THSD7B: variants seen among roughly 807,000 people sequenced by gnomAD.
THSD7B encodes thrombospondin type 1 domain containing 7B.
Under a neutral mutation model 213.6 loss-of-function variants are expected in THSD7B, and 138 were observed. The observed-to-expected ratio is 0.65, with a 90% confidence interval of 0.56 to 0.74. THSD7B has a LOEUF of 0.74. THSD7B is among the 30% of genes least tolerant of loss of function. THSD7B has a pLI of 0.00. For missense variants in THSD7B, 1,931 were observed against 1,991.5 expected, an observed-to-expected ratio of 0.97 and a Z score of 0.58; for synonymous variants, 742 against 687.0, an observed-to-expected ratio of 1.08 and a Z score of -1.25.
intron 4 of THSD7B, 146 bp downstream of exon 4, chr2:137,095,267 G>C: frequency 8.6e-7 from 1 of 1,164,888 alleles, no homozygotes; most frequent in Non-Finnish European, 1.2e-6. Context: ...ATAGGAGAGC[G>C]GGTTAAGATC....
At chr2:137,289,614 G>A (rs140876080) in intron 12 of THSD7B, among the ~76,000 whole-genome samples, 2 of 152,192 alleles carry the variant, frequency 1.3e-5, no homozygotes, top group African/African-American at 4.8e-5. Flanking sequence ...ATAGACTCTA[G>A]TCTCAGCAAG....
chr2:137,443,351 C>T (rs1010011622), intron 14 of THSD7B, among the ~76,000 whole-genome samples: 1 of 152,024 alleles, frequency 6.6e-6, no homozygotes, highest in Admixed American at 6.6e-5. Context: ...TTAGCCAAAT[C>T]CTGTGTGTAC....
At chr2:137,293,581 A>G (rs1446570327) in intron 12 of THSD7B, among the ~76,000 whole-genome samples, 1 of 151,486 alleles carries the variant, frequency 6.6e-6, no homozygotes, top group African/African-American at 2.4e-5. Flanking sequence ...CTTCATTGCA[A>G]TTTTAAAACT....
At chr2:137,006,046 T>C (rs1322936416) in intron 2 of THSD7B, among the ~76,000 whole-genome samples, 1 of 152,038 alleles carries the variant, frequency 6.6e-6, no homozygotes, top group Non-Finnish European at 1.5e-5. Flanking sequence ...ACTAAAGCAA[T>C]AAGAACTACC....
At chr2:137,338,917 C>A (rs2104904374) in intron 12 of THSD7B, among the ~76,000 whole-genome samples, 1 of 152,062 alleles carries the variant, frequency 6.6e-6, no homozygotes, top group South Asian at 2.1e-4. Flanking sequence ...ATGAAGGTTC[C>A]TTGGCATCTG....
intron 5 of THSD7B, 141 bp downstream of exon 5, chr2:137,115,434 C>A (rs964293235): frequency 2.2e-5 from 20 of 913,126 alleles, no homozygotes; most frequent in Admixed American, 3.6e-5. Flanking sequence ...TTGTATGCCG[C>A]CCCTAAGTTC....
intron 2 of THSD7B, among the ~76,000 whole-genome samples, chr2:137,036,001 G>A (rs1028672732): frequency 6.6e-6 from 1 of 152,120 alleles, no homozygotes; most frequent in Non-Finnish European, 1.5e-5. Flanking sequence ...CAGCAGTACT[G>A]TAAAGTACAT....
chr2:137,114,810 G>A (rs145168101), intron 4 of THSD7B, among the ~76,000 whole-genome samples: 55 of 152,116 alleles, frequency 3.6e-4, no homozygotes, highest in Non-Finnish European at 4.7e-4. Context: ...AGGCTCATTC[G>A]GTTTCCAACT....
At chr2:137,190,016 C>T (rs1371518485) in intron 7 of THSD7B, among the ~76,000 whole-genome samples, 1 of 152,090 alleles carries the variant, frequency 6.6e-6, no homozygotes, top group Admixed American at 6.5e-5. Context: ...TGTTCAGAGA[C>T]TTACGTGAGG....
chr2:136,926,918 A>G (rs1354142257), intron 2 of THSD7B, among the ~76,000 whole-genome samples: 2 of 151,996 alleles, frequency 1.3e-5, no homozygotes, highest in Admixed American at 6.6e-5. Flanking sequence ...TTTCTATTCT[A>G]TTGTTCTTAA....
Position 137,618,487 on chromosome 2 carries a change from A to G in THSD7B, c.3661A>G (p.Ser1221Gly), listed in dbSNP as rs771802990. The G allele has an allele frequency of 2.5e-6, 4 of 1,613,844 alleles. No individual in the cohort carries two copies. Among genetic ancestry groups the G allele is most frequent in the Non-Finnish European group, 3.4e-6 (4 of 1,179,852 alleles). ...TGTGTGCAGTGATGGCAAGCCAGTCAGCATGGACCAATGTGAGCAGGTACT... is the reference window on the plus strand; with the variant it reads ...TGTGTGCAGTGATGGCAAGCCAGTCGGCATGGACCAATGTGAGCAGGTACT... The part of the protein sequence containing the change: ...SCVCSDGKPV[S>G]MDQCEQHNLE... The change falls in exon 19 of 28, where the codon AGC (serine) becomes GGC (glycine). Residue 1221 changes from serine (S) to glycine (G), a missense_variant. Physicochemically the swap from Ser to Gly is moderately conservative, Grantham distance 56. Transcript: ENST00000409968.
At chr2:137,569,067 G>A (rs1265409365) in intron 16 of THSD7B, among the ~76,000 whole-genome samples, 1 of 152,156 alleles carries the variant, frequency 6.6e-6, no homozygotes, top group Non-Finnish European at 1.5e-5. Context: ...AAGAGTGGAG[G>A]TAAGAAAGGG....
At chr2:137,168,449 C>T (rs887615549) in intron 6 of THSD7B, among the ~76,000 whole-genome samples, 4 of 152,096 alleles carry the variant, frequency 2.6e-5, no homozygotes, top group African/African-American at 9.7e-5. Flanking sequence ...GCAAGAGAAT[C>T]CAGGGTTTTT....
intron 3 of THSD7B, among the ~76,000 whole-genome samples, chr2:137,084,726 G>C (rs1687807251): frequency 2.0e-5 from 3 of 152,146 alleles, no homozygotes; most frequent in Admixed American, 2.0e-4. Flanking sequence ...TGGATTCTAA[G>C]TCTTCACTTA....
intron 10 of THSD7B, among the ~76,000 whole-genome samples, chr2:137,255,971 T>C (rs1459480904): frequency 6.6e-6 from 1 of 152,150 alleles, no homozygotes; most frequent in East Asian, 1.9e-4. Context: ...TGTTTTCAGT[T>C]AAAATGCCAT....
chr2:137,529,617 A>G (rs1680358333), intron 15 of THSD7B, among the ~76,000 whole-genome samples: 1 of 149,416 alleles, frequency 6.7e-6, no homozygotes, highest in Non-Finnish European at 1.5e-5. Flanking sequence ...TTTTTAAAGG[A>G]CATCCAGAGT....
intron 3 of THSD7B, among the ~76,000 whole-genome samples, chr2:137,094,593 C>T (rs6709333): frequency 0.039 from 5,918 of 151,882 alleles, 381 homozygotes; most frequent in African/African-American, 0.13. Context: ...GAAGGACCCC[C>T]ATTATTTCTA....
At chr2:137,044,398 T>C in intron 2 of THSD7B, among the ~76,000 whole-genome samples, 1 of 152,160 alleles carries the variant, frequency 6.6e-6, no homozygotes, top group East Asian at 1.9e-4. Flanking sequence ...CTGGGTGTAT[T>C]GATGCTGCGG....
At chr2:137,153,099 G>A (rs1475548597) in intron 5 of THSD7B, among the ~76,000 whole-genome samples, 3 of 152,122 alleles carry the variant, frequency 2.0e-5, no homozygotes, top group Non-Finnish European at 4.4e-5. Flanking sequence ...GAGAACATAT[G>A]ATAATAGAAA....
Sources: gnomAD v4.1 joint callset for allele counts (sites outside exome capture counted in the v4.1 genomes callset) on GRCh38, gnomAD v4.1.1 for gene constraint, MANE v1.5 for transcripts, NCBI Gene and HGNC (gene_info 2026-07-23, HGNC 2026-07-21) for gene names.